The following ERC1 variants were observed in gnomAD, a reference collection of about 807,000 sequenced individuals.
ERC1 encodes the protein RAB6 interacting protein 2.
In ERC1, 56 loss-of-function variants were observed where a neutral mutation model predicts 132.0. The observed-to-expected ratio is 0.42, with a 90% CI of 0.34 to 0.53. ERC1 has a LOEUF of 0.53. ERC1 is among the 20% of genes least tolerant of loss of function. ERC1 has a pLI of 0.03. For missense variants in ERC1, 1,202 were observed against 1,349.9 expected (o/e 0.89, Z 1.72); for synonymous variants, 478 against 476.1 (o/e 1.00, Z -0.05).
At chr12:1,145,908 T>C (rs1408621022) in intron 8 of ERC1, among the ~76,000 whole-genome samples, 1 of 152,234 alleles carries the variant, frequency 6.6e-6, no homozygotes, top group Admixed American at 6.5e-5. Context: ...TTCTGGGTTC[T>C]CTATTCTGTT....
chr12:1,310,295 C>T (rs1025076426), intron 15 of ERC1, among the ~76,000 whole-genome samples: 31 of 151,926 alleles, frequency 2.0e-4, no homozygotes, highest in Non-Finnish European at 1.0e-4. Context: ...GGGACGATCT[C>T]GGCTCACTGC....
At chr12:1,297,685 T>G in intron 15 of ERC1, among the ~76,000 whole-genome samples, 1 of 137,534 alleles carries the variant, frequency 7.3e-6, no homozygotes. Flanking sequence ...CCAGCCTGGG[T>G]GATAGAGTGA....
chr12:1,212,486 C>G (rs1049758107), intron 12 of ERC1, among the ~76,000 whole-genome samples: 4 of 152,158 alleles, frequency 2.6e-5, no homozygotes, highest in Non-Finnish European at 5.9e-5. Flanking sequence ...TACTGTATTT[C>G]CTTAGATGCC....
intron 8 of ERC1, among the ~76,000 whole-genome samples, chr12:1,171,070 A>G (rs1953005249): frequency 6.6e-6 from 1 of 152,206 alleles, no homozygotes; most frequent in Admixed American, 6.5e-5. Flanking sequence ...GTAACTAGTC[A>G]TTCATTGCAA....
chr12:1,046,429 A>T (rs1197431461), intron 2 of ERC1, among the ~76,000 whole-genome samples: 1 of 152,196 alleles, frequency 6.6e-6, no homozygotes, highest in Non-Finnish European at 1.5e-5. Flanking sequence ...ATATATTGTG[A>T]TATGTGAAAA....
Position 1,371,878 on chromosome 12 carries a change from A to C in ERC1, c.2826A>C (p.Ile942=). The change falls in exon 16 of 19, where the codon ATA becomes ATC. Residue 942 remains isoleucine, a synonymous_variant. Transcript: ENST00000360905. ...CCATTAGTGAAAAAGACGCCAATAT[A>C]GCTCTCTTGGAGCTTTCGTCCTCTA... ...LAAISEKDAN[I]ALLELSSSKK... is the part of the protein sequence containing the mutation. 6.2e-7 allele frequency: 1 copy of C among 1,614,098 alleles called. No homozygotes were observed. Among genetic ancestry groups the C allele is most frequent in the Non-Finnish European group, 8.5e-7 (1 of 1,180,018 alleles).
In ERC1 at chr12:1,333,417, C is replaced by T. The variant is rs547476287; in HGVS notation, c.2781-38416C>T. Reference sequence around the variant, plus strand: ...GCGCGACGTCGGCTCACTGCAATCTCTGCCTCCCAGGTTCAAGCGATTCTC... The same window carrying T: ...GCGCGACGTCGGCTCACTGCAATCTTTGCCTCCCAGGTTCAAGCGATTCTC... On this transcript the variant is annotated intron_variant, in intron 15 of 18. Coordinates refer to ENST00000360905, the MANE Select transcript of ERC1 (RefSeq NM_178040.4). Among the ~76,000 whole-genome samples the T allele has an allele frequency of 9.6e-5, 14 of 146,028 alleles. No homozygotes were observed. In the South Asian group the frequency reaches 3.2e-3, roughly 33 times the overall value.
At chr12:1,122,956 C>A (rs1033720228) in intron 7 of ERC1, among the ~76,000 whole-genome samples, 2 of 152,080 alleles carry the variant, frequency 1.3e-5, no homozygotes, top group African/African-American at 4.8e-5. Flanking sequence ...TTTGTTCTAG[C>A]AGCGGTACAG....
At chr12:1,122,778 G>A (rs12829051) in intron 7 of ERC1, among the ~76,000 whole-genome samples, 98,128 of 115,932 alleles carry the variant, frequency 0.85, 42,265 homozygotes, top group East Asian at 1. Flanking sequence ...TTTCAGATGA[G>A]TGTGTTTCTC....
At chr12:1,258,570 C>G (rs1192038168) in intron 13 of ERC1, among the ~76,000 whole-genome samples, 1 of 152,154 alleles carries the variant, frequency 6.6e-6, no homozygotes, top group African/African-American at 2.4e-5. Flanking sequence ...TATTGGCTCA[C>G]TCACTTTCAA....
At position 1,117,478 on chromosome 12, in the gene ERC1, G is replaced by T. The variant is rs1442076855; in HGVS notation, c.1569+1445G>T. On this transcript the variant is annotated intron_variant, in intron 7 of 18. Coordinates refer to ENST00000360905, the MANE Select transcript of ERC1 (RefSeq NM_178040.4). ...CCATTCTACCTCACAGAGATATTTG[G>T]GTATAAAATCATGAGATGCAGTAGT... 2.6e-5 allele frequency among the ~76,000 whole-genome samples: 4 copies of T among 152,008 alleles called. No individual in the cohort carries two copies. In the East Asian group the frequency reaches 7.7e-4, roughly 29 times the overall value.
At chr12:1,110,056 G>A (rs1390166996) in intron 4 of ERC1, 136 bp from the exon 5 acceptor site, 14 of 700,418 alleles carry the variant, frequency 2.0e-5, no homozygotes, top group Admixed American at 3.4e-5. Flanking sequence ...AAGGAAGCAA[G>A]GCACCAATTG....
At chr12:1,174,077 C>A (rs1304085267) in intron 8 of ERC1, among the ~76,000 whole-genome samples, 5 of 152,076 alleles carry the variant, frequency 3.3e-5, no homozygotes, top group African/African-American at 1.2e-4. Context: ...CATTGTGATG[C>A]TGCATTCAGT....
chr12:1,368,076 C>T (rs1389318287), intron 15 of ERC1, among the ~76,000 whole-genome samples: 1 of 149,662 alleles, frequency 6.7e-6, no homozygotes, highest in Non-Finnish European at 1.5e-5. Context: ...TATTACCGTT[C>T]ACATTTTATG....
At chr12:1,352,832 A>T (rs964010789) in intron 15 of ERC1, among the ~76,000 whole-genome samples, 14 of 152,194 alleles carry the variant, frequency 9.2e-5, no homozygotes, top group Non-Finnish European at 1.8e-4. Flanking sequence ...AAGTACATAC[A>T]AATACATATT....
At chr12:1,472,474 C>T (rs1480277971) in intron 18 of ERC1, among the ~76,000 whole-genome samples, 1 of 151,968 alleles carries the variant, frequency 6.6e-6, no homozygotes, top group African/African-American at 2.4e-5. Flanking sequence ...CATAGTGAGA[C>T]CTCCTCTCTA....
At chr12:1,042,139 G>A (rs1204333800) in intron 2 of ERC1, among the ~76,000 whole-genome samples, 3 of 152,036 alleles carry the variant, frequency 2.0e-5, no homozygotes, top group Admixed American at 6.6e-5. Context: ...CCAGGTTCAC[G>A]CCATTCTCCT....
At chr12:1,383,292 C>T (rs925777046) in intron 16 of ERC1, among the ~76,000 whole-genome samples, 1 of 152,068 alleles carries the variant, frequency 6.6e-6, no homozygotes, top group Non-Finnish European at 1.5e-5. Flanking sequence ...CTTTCCTATG[C>T]TCATTGACCT....
chr12:1,095,393 G>A (rs1356938095), intron 3 of ERC1, among the ~76,000 whole-genome samples: 16 of 39,826 alleles, frequency 4.0e-4, no homozygotes, highest in Non-Finnish European at 7.5e-4. Context: ...TTGTGCCACT[G>A]CACCAAAAAA....
Sources: gnomAD v4.1 joint callset for allele counts (sites outside exome capture counted in the v4.1 genomes callset) on GRCh38, gnomAD v4.1.1 for gene constraint, MANE v1.5 for transcripts, NCBI Gene and HGNC (gene_info 2026-07-23, HGNC 2026-07-21) for gene names.